PTPRT: variants seen among roughly 807,000 people sequenced by gnomAD.
The protein encoded by PTPRT is protein tyrosine phosphatase receptor type T, also known as receptor-type tyrosine-protein phosphatase T.
Under a neutral mutation model 176.8 loss-of-function variants are expected in PTPRT, and 56 were observed. The ratio of observed to expected loss-of-function variants is 0.32; its 90% CI spans 0.26 to 0.40. The LOEUF (loss-of-function observed/expected upper bound fraction) is 0.40. PTPRT is among the 10% of genes least tolerant of loss of function. PTPRT has a pLI of 1.00. For synonymous variants in PTPRT, 783 were observed against 739.0 expected (o/e 1.06, Z -0.96); for missense variants, 1,540 against 1,908.2 (o/e 0.81, Z 3.60).
intron 1 of PTPRT, among the ~76,000 whole-genome samples, chr20:43,186,783 G>T (rs1380627386): frequency 1.3e-5 from 2 of 152,178 alleles, no homozygotes; most frequent in Non-Finnish European, 2.9e-5. Context: ...AGTAAAATTC[G>T]ACTGTACTGC....
chr20:42,378,868 T>C (rs1175997531), intron 9 of PTPRT, among the ~76,000 whole-genome samples: 1 of 152,270 alleles, frequency 6.6e-6, no homozygotes, highest in Non-Finnish European at 1.5e-5. Context: ...AAAATAGTTC[T>C]GACATGTAGT....
At chr20:43,169,924 A>C (rs1330243329) in intron 1 of PTPRT, among the ~76,000 whole-genome samples, 1 of 152,112 alleles carries the variant, frequency 6.6e-6, no homozygotes, top group Non-Finnish European at 1.5e-5. Context: ...TGTGTGTTTA[A>C]TATCTCTTTG....
At chr20:42,529,610 C>T (rs1338894583) in intron 7 of PTPRT, among the ~76,000 whole-genome samples, 1 of 152,064 alleles carries the variant, frequency 6.6e-6, no homozygotes, top group African/African-American at 2.4e-5. Flanking sequence ...CCCCAGCCTC[C>T]CGAGTAGCTG....
At chr20:42,810,047 C>G (rs146202188) in intron 2 of PTPRT, among the ~76,000 whole-genome samples, 1 of 152,146 alleles carries the variant, frequency 6.6e-6, no homozygotes, top group African/African-American at 2.4e-5. Flanking sequence ...AATCCTAGCA[C>G]TTTGGGAGGC....
chr20:42,268,272 T>C (rs2056872380), intron 13 of PTPRT, among the ~76,000 whole-genome samples: 2 of 152,062 alleles, frequency 1.3e-5, no homozygotes, highest in South Asian at 4.1e-4. Flanking sequence ...TGGATCACAA[T>C]GAAATAAACC....
intron 1 of PTPRT, among the ~76,000 whole-genome samples, chr20:43,100,358 C>A (rs1344133776): frequency 6.6e-6 from 1 of 152,062 alleles, no homozygotes; most frequent in Non-Finnish European, 1.5e-5. Context: ...GCCTGGGCAA[C>A]AGGGTGACTC....
At chr20:43,018,099 A>G (rs1985460357) in intron 1 of PTPRT, among the ~76,000 whole-genome samples, 1 of 152,226 alleles carries the variant, frequency 6.6e-6, no homozygotes, top group South Asian at 2.1e-4. Context: ...AGAGAGGTTG[A>G]GGGATTTGCC....
intron 1 of PTPRT, among the ~76,000 whole-genome samples, chr20:43,133,962 C>T (rs2013734572): frequency 6.6e-6 from 1 of 152,058 alleles, no homozygotes; most frequent in Admixed American, 6.6e-5. Context: ...ACTTTGAAAA[C>T]TCCTGCATTA....
chr20:43,047,403 C>T (rs1986880435), intron 1 of PTPRT, among the ~76,000 whole-genome samples: 1 of 152,110 alleles, frequency 6.6e-6, no homozygotes, highest in Non-Finnish European at 1.5e-5. Context: ...CAGCTATTAG[C>T]TTATTGGGCA....
At chr20:42,378,025 G>T (rs995382433) in intron 9 of PTPRT, among the ~76,000 whole-genome samples, 1 of 152,220 alleles carries the variant, frequency 6.6e-6, no homozygotes, top group Non-Finnish European at 1.5e-5. Context: ...CAGAGGCAGA[G>T]GTTGGGGCAG....
At chr20:42,341,568 C>T (rs557241127) in intron 11 of PTPRT, among the ~76,000 whole-genome samples, 4 of 152,288 alleles carry the variant, frequency 2.6e-5, no homozygotes, top group East Asian at 1.9e-4. Flanking sequence ...GATAAAGTTT[C>T]GTAGCTCTCT....
intron 11 of PTPRT, among the ~76,000 whole-genome samples, chr20:42,330,396 A>G (rs928017255): frequency 2.0e-5 from 3 of 152,134 alleles, no homozygotes; most frequent in African/African-American, 7.2e-5. Flanking sequence ...TAATCAATTG[A>G]ACATGGGAGG....
intron 13 of PTPRT, among the ~76,000 whole-genome samples, chr20:42,267,410 C>A (rs767200055): frequency 6.6e-6 from 1 of 152,138 alleles, no homozygotes; most frequent in African/African-American, 2.4e-5. Flanking sequence ...GAGAAGGATC[C>A]GTATTGAGTT....
At chr20:42,794,416 C>T (rs185455648) in intron 2 of PTPRT, among the ~76,000 whole-genome samples, 4 of 152,292 alleles carry the variant, frequency 2.6e-5, no homozygotes, top group Non-Finnish European at 5.9e-5. Flanking sequence ...CTCACATCCA[C>T]CCCCAGGCCT....
At chr20:42,859,586 A>ATTTTTT (rs374358348) in intron 2 of PTPRT, among the ~76,000 whole-genome samples, 1 of 127,660 alleles carries the variant, frequency 7.8e-6, no homozygotes, top group African/African-American at 3.1e-5. Flanking sequence ...TTTTTTTTTA[A>ATTTTTT]TTTTTTTTTT....
Position 42,077,745 on chromosome 20 carries a change from G to A in PTPRT, c.*3134C>T, listed in dbSNP as rs1982915220. 1 of 194,706 alleles carries A rather than the reference G, an allele frequency of 5.1e-6. No individual in the cohort carries two copies. The highest frequency in any genetic ancestry group is 6.4e-5 in the Admixed American group (1 of 15,748). 12.1% of individuals were successfully genotyped at this position (194,706 alleles called of 1,614,324 possible). A position where few individuals can be genotyped will look rare whatever the true frequency, so the allele number is the denominator to read the frequency against. On this transcript the variant is annotated 3_prime_UTR_variant, in exon 31 of 31. Coordinates refer to ENST00000373187, the MANE Select transcript of PTPRT (RefSeq NM_007050.6). ...GCTTTAGAGAATGGTTGGGTTGTGGGAAAATAAGGGGATGAGCTGGGGGAA... is the reference window on the plus strand; with the variant it reads ...GCTTTAGAGAATGGTTGGGTTGTGGAAAAATAAGGGGATGAGCTGGGGGAA...
chr20:42,548,694 A>G (rs2072716989), intron 7 of PTPRT, among the ~76,000 whole-genome samples: 1 of 152,196 alleles, frequency 6.6e-6, no homozygotes. Context: ...TTGGGAAAAG[A>G]TACTTGTGAT....
At chr20:42,930,337 C>T (rs904169371) in intron 1 of PTPRT, among the ~76,000 whole-genome samples, 3 of 152,136 alleles carry the variant, frequency 2.0e-5, no homozygotes, top group Non-Finnish European at 4.4e-5. Flanking sequence ...GATTTGGGCC[C>T]CTGGACATTC....
At chr20:43,146,490 T>C (rs1018693057) in intron 1 of PTPRT, among the ~76,000 whole-genome samples, 15 of 151,964 alleles carry the variant, frequency 9.9e-5, no homozygotes, top group African/African-American at 3.6e-4. Context: ...TGGGATGAGA[T>C]TGTGATTAGG....
Sources: gnomAD v4.1 joint callset for allele counts (sites outside exome capture counted in the v4.1 genomes callset) on GRCh38, gnomAD v4.1.1 for gene constraint, MANE v1.5 for transcripts, NCBI Gene and HGNC (gene_info 2026-07-23, HGNC 2026-07-21) for gene names.